The following NRROS variants were observed in gnomAD, a reference collection of about 807,000 sequenced individuals.
NRROS encodes transforming growth factor beta activator LRRC33.
A neutral mutation model predicts 12.0 loss-of-function variants in NRROS; 6 were observed. The observed-to-expected ratio is 0.50, with a 90% CI of 0.27 to 0.98. The LOEUF (loss-of-function observed/expected upper bound fraction) is 0.98, where lower values mean the gene tolerates loss of function less well. Among genes scored for constraint, NRROS ranks in the 50% least tolerant of loss-of-function variants. The probability of loss-of-function intolerance (pLI) is 0.11; values close to 1 mark genes in which losing one functional copy is unlikely to be tolerated. For missense variants in NRROS, 857 were observed against 888.2 expected (o/e 0.96, Z 0.45); for synonymous variants, 462 against 410.2 (o/e 1.13, Z -1.53).
chr3:196,659,106 C>T (rs1737604608), intron 2 of NRROS, among the ~76,000 whole-genome samples: 1 of 152,152 alleles, frequency 6.6e-6, no homozygotes, highest in African/African-American at 2.4e-5. Context: ...TGCAGTGCGA[C>T]CAGGGTGGCC....
intron 1 of NRROS, among the ~76,000 whole-genome samples, chr3:196,649,998 A>G (rs1342721038): frequency 1.3e-5 from 2 of 152,086 alleles, no homozygotes; most frequent in Admixed American, 6.6e-5. Context: ...GGGGGTGGGG[A>G]CGGTAAGGTG....
Position 196,660,565 on chromosome 3 carries a change from G to A in NRROS, c.922G>A (p.Gly308Ser), listed in dbSNP as rs145772290. The change falls in exon 3 of 3, where the codon GGC becomes AGC. Residue 308 changes from glycine (G) to serine (S), a missense_variant. By Grantham distance (56) the Gly-to-Ser change is moderately conservative. Coordinates refer to ENST00000328557, the MANE Select transcript of NRROS (RefSeq NM_198565.3). The surrounding 1 kb of genome is among the most constrained non-coding windows in gnomAD (Gnocchi z 7.7). ...EMVAQFLLVD[G>S]NVTNITTVSL... ...GGTGGCCCAGTTCCTCCTCGTGGAC[G>A]GCAACGTGACCAACATCACCACCGT... 5.4e-5 allele frequency: 87 copies of A among 1,613,986 alleles called. 4 individuals are homozygous for A. The South Asian group carries it at 6.1e-4, about 11-fold the overall frequency.
intron 1 of NRROS, among the ~76,000 whole-genome samples, chr3:196,649,896 T>C (rs966303525): frequency 5.9e-5 from 9 of 152,150 alleles, no homozygotes; most frequent in Admixed American, 2.0e-4. Flanking sequence ...CGTGGTAACA[T>C]ACGTATGGCA....
rs1282618245 is a variant in NRROS at position 196,661,314 on chromosome 3, C to T, written c.1671C>T (p.Ser557=). 1.2e-6 allele frequency: 2 copies of T among 1,603,298 alleles called. No homozygotes were observed. Among genetic ancestry groups the T allele is most frequent in the Admixed American group, 3.4e-5 (2 of 58,712 alleles). The change falls in exon 3 of 3, where the codon AGC becomes AGT. Residue 557 remains serine, a synonymous_variant. Coordinates refer to ENST00000328557, the MANE Select transcript of NRROS (RefSeq NM_198565.3). ...CCACCTTCCCAAGGTTTGGGGGCAG[C>T]CTGGCCCTGGAGACCCTGGATCTCC... ...CLTTFPRFGG[S]LALETLDLRR...
At chr3:196,644,359 G>A (rs1293129523) in intron 1 of NRROS, among the ~76,000 whole-genome samples, 1 of 147,298 alleles carries the variant, frequency 6.8e-6, no homozygotes, top group Non-Finnish European at 1.5e-5. Flanking sequence ...AGGTCACGCC[G>A]CTGCACTCTA....
At position 196,660,454 on chromosome 3, in the gene NRROS, T is replaced by C. The variant is rs368117679; in HGVS notation, c.811T>C (p.Tyr271His). 6.2e-7 allele frequency: 1 copy of C among 1,613,982 alleles called. No homozygotes were observed. The highest frequency in any genetic ancestry group is 8.5e-7 in the Non-Finnish European group (1 of 1,179,950). ...QLLFFPLLPQ[Y>H]SKLRTLLLRD... ...GCTGTTCTTCCCGCTGCTGCCCCAG[T>C]ACAGCAAGTTGCGGACCCTCCTGCT... The change falls in exon 3 of 3, where the codon TAC becomes CAC. Residue 271 changes from tyrosine to histidine, a missense_variant. Physicochemically the swap from Tyr to His is moderately conservative, Grantham distance 83. Coordinates refer to ENST00000328557, the MANE Select transcript of NRROS (RefSeq NM_198565.3). This position sits in a 1 kb window ranked among gnomAD's most constrained non-coding sequence, Gnocchi z 7.7.
At position 196,660,861 on chromosome 3, in the gene NRROS, G is replaced by A; in HGVS notation, c.1218G>A (p.Leu406=). The change falls in exon 3 of 3, where the codon TTG becomes TTA. Residue 406 remains leucine (L), a synonymous_variant. Transcript: ENST00000328557. The surrounding 1 kb of genome is among the most constrained non-coding windows in gnomAD (Gnocchi z 7.7). ...GLASCLGSLR[L]FNLSSNQLLG... ...CCAGCTGCCTGGGCAGCCTGCGCTT[G>A]TTCAACCTGAGCTCCAACCAGCTCC... 2.5e-6 allele frequency: 4 copies of A among 1,613,942 alleles called. No homozygotes were observed. The highest frequency in any genetic ancestry group is 3.4e-6 in the Non-Finnish European group (4 of 1,180,032).
intron 2 of NRROS, among the ~76,000 whole-genome samples, chr3:196,656,882 C>A (rs1737546162): frequency 6.6e-6 from 1 of 152,092 alleles, no homozygotes; most frequent in Non-Finnish European, 1.5e-5. Flanking sequence ...CACTGGCCCT[C>A]ATCACATTAT....
Position 196,661,244 on chromosome 3 carries a change from G to A in NRROS, c.1601G>A (p.Gly534Glu), listed in dbSNP as rs1193541470. 1 of 1,613,962 alleles carries A rather than the reference G, an allele frequency of 6.2e-7. No individual in the cohort carries two copies. The highest frequency in any genetic ancestry group is 1.7e-5 in the Admixed American group (1 of 59,992). The part of the protein sequence containing the change: ...HSSFMALDFS[G>E]FGNLRDLDLS... ...AGCTTTATGGCGTTGGACTTCTCTGGGTTTGGGAATCTCAGGGACTTAGAT... is the reference window on the plus strand; with the variant it reads ...AGCTTTATGGCGTTGGACTTCTCTGAGTTTGGGAATCTCAGGGACTTAGAT... The change falls in exon 3 of 3, where the codon GGG (glycine) becomes GAG (glutamate). Residue 534 changes from glycine (G) to glutamate (E), a missense_variant. Physicochemically the swap from Gly to Glu is moderately conservative, Grantham distance 98 (BLOSUM62 -2). Transcript: ENST00000328557.
chr3:196,652,056 G>A (rs542988640), intron 1 of NRROS, among the ~76,000 whole-genome samples: 1 of 152,354 alleles, frequency 6.6e-6, no homozygotes, highest in South Asian at 2.1e-4. Flanking sequence ...GGAGGGCAGG[G>A]AAGGGGAAGG....
chr3:196,642,968 G>C (rs1213901931), intron 1 of NRROS, among the ~76,000 whole-genome samples: 1 of 151,826 alleles, frequency 6.6e-6, no homozygotes, highest in Non-Finnish European at 1.5e-5. Flanking sequence ...TACTCAGGAG[G>C]CTGAGGCAGG....
intron 1 of NRROS, among the ~76,000 whole-genome samples, chr3:196,651,484 G>C (rs190370356): frequency 4.5e-4 from 68 of 152,078 alleles, no homozygotes; most frequent in African/African-American, 1.5e-3. Context: ...AGGAGAAGGT[G>C]GGCCAGGCAC....
chr3:196,639,709 C>T lies in NRROS; in HGVS notation c.-180C>T, dbSNP rs1024202337. 1.3e-5 allele frequency: 2 copies of T among 152,444 alleles called. No individual in the cohort carries two copies. The highest frequency in any genetic ancestry group is 4.8e-5 in the African/African-American group (2 of 41,460). 9.4% of individuals were successfully genotyped at this position (152,444 alleles called of 1,614,324 possible). Reference sequence around the variant, plus strand: ...AGCCTGTGCTGAGTCGCCGAGCAGCCCGCTCTCCATGTGACTTCAGTTTCC... The same window carrying T: ...AGCCTGTGCTGAGTCGCCGAGCAGCTCGCTCTCCATGTGACTTCAGTTTCC... On this transcript the variant is annotated 5_prime_UTR_variant, in exon 1 of 3. Transcript: ENST00000328557.
chr3:196,642,058 A>G lies in NRROS; in HGVS notation c.-14+2183A>G, dbSNP rs147791631. Among the ~76,000 whole-genome samples the G allele has an allele frequency of 1.6e-3, 243 of 152,086 alleles. 3 individuals carry two copies. Among genetic ancestry groups the G allele is most frequent in the African/African-American group, 5.6e-3 (232 of 41,474 alleles). The stretch of plus-strand genomic sequence containing the variant: ...CTTTCCTCCCAAACCATTTTTCTCA[A>G]CTTCATCATGAAGCAAATGTCATGT... On this transcript the variant is annotated intron_variant, in intron 1 of 2. Transcript: ENST00000328557.
In NRROS at chr3:196,654,368, A is replaced by G. The variant is rs1391723716; in HGVS notation, c.-13-159A>G. ...CAGTGAAAGGCCGGAAGTCTTGGCT[A>G]AATGGAGGTATCTGAGTATCCTGTG... On this transcript the variant is annotated intron_variant, in intron 1 of 2. Coordinates refer to ENST00000328557, the MANE Select transcript of NRROS (RefSeq NM_198565.3). The surrounding 1 kb of genome is among the most constrained non-coding windows in gnomAD (Gnocchi z 4.4). Among the ~76,000 whole-genome samples the G allele has an allele frequency of 1.3e-5, 2 of 152,208 alleles. No individual in the cohort carries two copies. Among genetic ancestry groups the G allele is most frequent in the African/African-American group, 4.8e-5 (2 of 41,454 alleles).
chr3:196,646,685 G>A (rs73221626), intron 1 of NRROS, among the ~76,000 whole-genome samples: 17,364 of 152,230 alleles, frequency 0.11, 1,120 homozygotes, highest in African/African-American at 0.18. Flanking sequence ...TGTGGGAAGG[G>A]CCCAGGGGAA....
intron 2 of NRROS, among the ~76,000 whole-genome samples, chr3:196,656,483 T>C (rs1021958580): frequency 3.9e-5 from 6 of 152,196 alleles, no homozygotes; most frequent in African/African-American, 1.4e-4. Context: ...GTAATAATAA[T>C]ATCTACCAAT....
intron 1 of NRROS, among the ~76,000 whole-genome samples, chr3:196,650,010 C>G (rs377161070): frequency 9.2e-5 from 14 of 152,284 alleles, no homozygotes; most frequent in African/African-American, 3.1e-4. Flanking sequence ...GGTAAGGTGT[C>G]CGAGCAGCTC....
chr3:196,642,270 G>A (rs1368356340), intron 1 of NRROS, among the ~76,000 whole-genome samples: 3 of 142,820 alleles, frequency 2.1e-5, no homozygotes, highest in African/African-American at 8.0e-5. Context: ...AAAAACCAAC[G>A]TAAATATGCT....
Sources: allele counts gnomAD v4.1 joint callset (sites outside exome capture counted in the v4.1 genomes callset), GRCh38; gene constraint gnomAD v4.1.1; non-coding constraint Gnocchi (gnomAD v3.1); transcripts MANE v1.5; gene names NCBI Gene and HGNC (gene_info 2026-07-23, HGNC 2026-07-21).